BRD9: variants seen among roughly 807,000 people sequenced by gnomAD.
BRD9 encodes the protein bromodomain-containing protein 9.
A neutral mutation model predicts 68.7 loss-of-function variants in BRD9; 47 were observed. The observed-to-expected ratio is 0.68, with a 90% confidence interval of 0.54 to 0.87. The LOEUF (loss-of-function observed/expected upper bound fraction) is 0.87. Ranked by LOEUF, BRD9 falls within the 40% of genes least tolerant of loss-of-function variation. The probability of loss-of-function intolerance (pLI) is 0.00; values close to 1 mark genes in which losing one functional copy is unlikely to be tolerated. For synonymous variants in BRD9, 313 were observed against 293.9 expected, an observed-to-expected ratio of 1.06 and a Z score of -0.67; for missense variants, 670 against 748.4, an observed-to-expected ratio of 0.90 and a Z score of 1.22.
At chr5:881,482 G>C (rs1751751949) in intron 8 of BRD9, 3 of 458,072 alleles carry the variant, frequency 6.5e-6, no homozygotes, top group East Asian at 8.4e-5. Flanking sequence ...TGACAAAATG[G>C]AACGGTCAGC....
At position 864,349 on chromosome 5, in the gene BRD9, G is replaced by A. The variant is rs1048868470; in HGVS notation, c.*119C>T. On this transcript the variant is annotated 3_prime_UTR_variant, in exon 16 of 16. Coordinates refer to ENST00000467963, the MANE Select transcript of BRD9 (RefSeq NM_023924.5). ...ACCACAGACAATTCATTACCTCCCC[G>A]CGGCTGCTTCCCGCATGCCAAAGGG... 7.2e-5 allele frequency: 55 copies of A among 765,008 alleles called. No homozygotes were observed. The highest frequency in any genetic ancestry group is 9.6e-5 in the Non-Finnish European group (47 of 491,006). The allele number at this position is 765,008 out of a possible 1,614,324, so 47.4% of individuals were successfully genotyped here.
At chr5:868,105 T>C (rs1414152958) in intron 14 of BRD9, among the ~76,000 whole-genome samples, 2 of 152,174 alleles carry the variant, frequency 1.3e-5, no homozygotes, top group African/African-American at 4.8e-5. Context: ...TGACTTCTCA[T>C]GAGATCTGGT....
At chr5:889,512 G>A (rs1443931481) in intron 4 of BRD9, 75 bp downstream of exon 4, 12 of 1,502,860 alleles carry the variant, frequency 8.0e-6, no homozygotes, top group South Asian at 3.5e-5. Context: ...CGAGGCTGGC[G>A]TGGGGAATAA....
intron 10 of BRD9, chr5:878,784 CGTCT>C (rs1399720662): frequency 3.2e-5 from 13 of 409,520 alleles, no homozygotes; most frequent in African/African-American, 3.2e-4. Flanking sequence ...CAGAGCGCAC[CGTCT>C]GTCACTGTGG....
At chr5:877,798 C>T (rs1579952197) in intron 11 of BRD9, among the ~76,000 whole-genome samples, 1 of 152,276 alleles carries the variant, frequency 6.6e-6, no homozygotes, top group South Asian at 2.1e-4. Context: ...TTAGAGGTAA[C>T]TGCAGTGACA....
At chr5:884,171 T>C (rs1560920160) in intron 7 of BRD9, 101 bp from the exon 8 acceptor site, 2 of 1,464,768 alleles carry the variant, frequency 1.4e-6, no homozygotes, top group African/African-American at 1.4e-5. Flanking sequence ...GACCCTGCCC[T>C]CAGACACAGA....
intron 8 of BRD9, chr5:883,695 G>T: frequency 1.7e-6 from 1 of 575,622 alleles, no homozygotes; most frequent in Non-Finnish European, 3.1e-6. Flanking sequence ...AAGGAAATGA[G>T]GTCAGTGACC....
At position 863,783 on chromosome 5, in the gene BRD9, A is replaced by G. The variant is rs1748946713; in HGVS notation, c.*685T>C. The G allele has an allele frequency of 6.6e-6, 1 of 152,294 alleles. No homozygotes were observed. The highest frequency in any genetic ancestry group is 1.5e-5 in the Non-Finnish European group (1 of 68,090). 9.4% of individuals were successfully genotyped at this position (152,294 alleles called of 1,614,324 possible). A position where few individuals can be genotyped will look rare whatever the true frequency, so the allele number is the denominator to read the frequency against. ...TTATGGACACGGAACGCTCCACTGTAACGGGCAGGCAGAACACACTCCTTT... is the reference window on the plus strand; with the variant it reads ...TTATGGACACGGAACGCTCCACTGTGACGGGCAGGCAGAACACACTCCTTT... On this transcript the variant is annotated 3_prime_UTR_variant, in exon 16 of 16. Transcript: ENST00000467963.
intron 14 of BRD9, among the ~76,000 whole-genome samples, chr5:869,752 G>C (rs10072895): frequency 3.9e-5 from 6 of 152,190 alleles, no homozygotes; most frequent in South Asian, 2.1e-4. Context: ...GGAAATCTCT[G>C]AATCCACCAA....
chr5:872,446 C>A (rs1186594327), intron 12 of BRD9, among the ~76,000 whole-genome samples: 1 of 152,204 alleles, frequency 6.6e-6, no homozygotes, highest in African/African-American at 2.4e-5. Context: ...ACAGAGCCTT[C>A]CCATTTCCGG....
Position 892,748 on chromosome 5 carries a change from C to T in BRD9, c.-91G>A. 1 of 1,188,404 alleles carries T rather than the reference C, an allele frequency of 8.4e-7. No homozygotes were observed. Among genetic ancestry groups the T allele is most frequent in the Non-Finnish European group, 1.1e-6 (1 of 946,816 alleles). The allele number at this position is 1,188,404 out of a possible 1,614,324, so 73.6% of individuals were successfully genotyped here. On this transcript the variant is annotated 5_prime_UTR_variant, in exon 1 of 16. Transcript: ENST00000467963. ...GCCACCGCCCCCTGGCCCTGGCTGG[C>T]CGCCCGCGCTCGCTGCGCCGAGGTT...
chr5:874,987 G>C (rs1218179856), intron 12 of BRD9, among the ~76,000 whole-genome samples: 3 of 152,226 alleles, frequency 2.0e-5, no homozygotes, highest in African/African-American at 7.2e-5. Context: ...TTCCAAATAT[G>C]ATGAAAACTA....
At chr5:874,918 C>G (rs1297982904) in intron 12 of BRD9, among the ~76,000 whole-genome samples, 2 of 152,258 alleles carry the variant, frequency 1.3e-5, no homozygotes, top group East Asian at 3.9e-4. Flanking sequence ...GTGCCACAGT[C>G]CAGCAGGAGG....
At chr5:890,113 T>C in intron 3 of BRD9, 1 of 313,648 alleles carries the variant, frequency 3.2e-6, no homozygotes, top group South Asian at 2.8e-5. Context: ...GGAGGATCGC[T>C]TGAGCCCAGG....
intron 7 of BRD9, among the ~76,000 whole-genome samples, 168 bp downstream of exon 7, chr5:886,424 G>A (rs1752575897): frequency 6.6e-6 from 1 of 152,178 alleles, no homozygotes; most frequent in Non-Finnish European, 1.5e-5. Flanking sequence ...CCGGTGGGCA[G>A]GAGGGGCTGT....
intron 14 of BRD9, chr5:866,617 G>C (rs1008651564): frequency 6.6e-6 from 1 of 152,460 alleles, no homozygotes; most frequent in Non-Finnish European, 1.5e-5. Context: ...ACCCCATTGG[G>C]AATGGGGGCA....
At chr5:883,912 C>A (rs756073930) in intron 8 of BRD9, 26 bp downstream of exon 8, 2 of 1,603,796 alleles carry the variant, frequency 1.2e-6, no homozygotes, top group South Asian at 2.2e-5. Context: ...ACGTGGCACC[C>A]TCTCTCGGTG....
intron 8 of BRD9, chr5:883,097 G>C: frequency 2.8e-6 from 1 of 359,022 alleles, no homozygotes; most frequent in Middle Eastern, 9.8e-4. Flanking sequence ...CAACACGTGA[G>C]CCACGCAGAC....
chr5:864,654 G>T, intron 15 of BRD9, 86 bp from the exon 16 acceptor site: 2 of 1,219,978 alleles, frequency 1.6e-6, no homozygotes, highest in South Asian at 2.6e-5. Flanking sequence ...TCTGCTTCCT[G>T]ACCTACCGCC....
Sources: allele counts gnomAD v4.1 joint callset (sites outside exome capture counted in the v4.1 genomes callset), GRCh38; gene constraint gnomAD v4.1.1; transcripts MANE v1.5; gene names NCBI Gene and HGNC (gene_info 2026-07-23, HGNC 2026-07-21).